Variants in SLC51A observed in about 807,000 individuals in gnomAD.
SLC51A encodes solute carrier family 51 member A.
A neutral mutation model predicts 34.8 loss-of-function variants in SLC51A; 22 were observed. That is an observed-to-expected ratio of 0.63 (90% CI 0.45 to 0.90). SLC51A has a LOEUF of 0.90. Ranked by LOEUF, SLC51A falls within the 40% of genes least tolerant of loss-of-function variation. The pLI is 0.00. For missense variants in SLC51A, 371 were observed against 414.8 expected, an observed-to-expected ratio of 0.89 and a Z score of 0.92; for synonymous variants, 181 against 176.3, an observed-to-expected ratio of 1.03 and a Z score of -0.21.
rs1273399778 is a variant in SLC51A, at chr3:196,227,106, G to A, written c.275G>A (p.Ser92Asn). Residue 92 changes from serine (S) to asparagine (N), a missense_variant, in exon 3 of 9, where the codon AGC becomes AAC. Transcript: ENST00000296327. ...PIKRRTLLWK[S>N]SAPTVVSVLC... is the part of the protein sequence containing the mutation. ...AAGAGGCGGACTCTGCTCTGGAAGA[G>A]CTCGGCACCCACGGTGAGGCCCCCG... The A allele has an allele frequency of 6.2e-7, 1 of 1,613,806 alleles. No homozygotes were observed. The highest frequency in any genetic ancestry group is 8.5e-7 in the Non-Finnish European group (1 of 1,180,032).
intron 7 of SLC51A, among the ~76,000 whole-genome samples, chr3:196,231,713 T>G (rs985399875): frequency 2.6e-5 from 4 of 152,142 alleles, no homozygotes; most frequent in African/African-American, 4.8e-5. Flanking sequence ...GGAGCCTGGG[T>G]GAGCCACGCC....
intron 2 of SLC51A, among the ~76,000 whole-genome samples, chr3:196,223,064 T>C (rs986968231): frequency 2.0e-5 from 3 of 151,740 alleles, no homozygotes; most frequent in Admixed American, 6.6e-5. Flanking sequence ...ATCTCTCCCA[T>C]ATCCACGAGT....
At chr3:196,229,116 C>T (rs558143576) in intron 6 of SLC51A, among the ~76,000 whole-genome samples, 196 bp downstream of exon 6, 4 of 152,108 alleles carry the variant, frequency 2.6e-5, no homozygotes, top group Non-Finnish European at 5.9e-5. Flanking sequence ...CCGTTCCTGC[C>T]GTGGGAGAGG....
intron 2 of SLC51A, among the ~76,000 whole-genome samples, chr3:196,220,048 T>C (rs1015600731): frequency 6.6e-6 from 1 of 151,962 alleles, no homozygotes; most frequent in Non-Finnish European, 1.5e-5. Flanking sequence ...CGAGGATGAG[T>C]TCGGGGACGC....
At chr3:196,225,469 G>A (rs1439120182) in intron 2 of SLC51A, among the ~76,000 whole-genome samples, 1 of 152,164 alleles carries the variant, frequency 6.6e-6, no homozygotes, top group Non-Finnish European at 1.5e-5. Flanking sequence ...ACACAGAGCA[G>A]ACTAGCTAAT....
In SLC51A at chr3:196,227,037, T is replaced by C. The variant is rs745535414; in HGVS notation, c.206T>C (p.Leu69Pro). 2 of 1,614,162 alleles carry C rather than the reference T, an allele frequency of 1.2e-6. No individual in the cohort carries two copies. ...GCGCTGGGCTCCATTGCCATCTTCC[T>C]GGAGGATGCCGTCTACCTGTACAAG... ...LLALGSIAIFLEDAVYLYKNT... is the reference protein window; with the variant it reads ...LLALGSIAIFPEDAVYLYKNT... Residue 69 changes from leucine (L) to proline (P), a missense_variant, in exon 3 of 9, where the codon CTG (leucine) becomes CCG (proline). Transcript: ENST00000296327.
Position 196,229,985 on chromosome 3 carries a change from C to A in SLC51A, c.704C>A (p.Thr235Asn). The A allele has an allele frequency of 1.9e-6, 3 of 1,613,922 alleles. No homozygotes were observed. Among genetic ancestry groups the A allele is most frequent in the Non-Finnish European group, 2.5e-6 (3 of 1,179,896 alleles). ...GTGTCCACACTGCTGGCTCTCTGGA[C>A]CCTGGGCATCATTTCCCGTCAAGCC... ...LGVSTLLALW[T>N]LGIISRQARL... is the part of the protein sequence containing the mutation. The change falls in exon 7 of 9, where the codon ACC becomes AAC. Residue 235 changes from threonine (T) to asparagine (N), a missense_variant. Transcript: ENST00000296327.
intron 2 of SLC51A, among the ~76,000 whole-genome samples, 169 bp from the exon 3 acceptor site, chr3:196,226,796 G>GA (rs1193539822): frequency 3.3e-4 from 37 of 111,768 alleles, no homozygotes; most frequent in Non-Finnish European, 5.6e-4. Context: ...AAAAGAAAAA[G>GA]AAAAAAAAAA....
chr3:196,223,071 G>A lies in SLC51A; in HGVS notation c.134-3894G>A, dbSNP rs944462291. ...CTTTGATGATCTCTCCCATATCCAC[G>A]AGTACACACACCTGGAGTCACTGTG... On this transcript the variant is annotated intron_variant, in intron 2 of 8. Coordinates refer to ENST00000296327, the MANE Select transcript of SLC51A (RefSeq NM_152672.6). 6.6e-5 allele frequency among the ~76,000 whole-genome samples: 10 copies of A among 151,660 alleles called. 1 individual carries two copies. Among genetic ancestry groups the A allele is most frequent in the African/African-American group, 1.9e-4 (8 of 41,344 alleles).
chr3:196,227,465 C>T, intron 3 of SLC51A, 199 bp from the exon 4 acceptor site: 1 of 614,446 alleles, frequency 1.6e-6, no homozygotes, highest in East Asian at 2.8e-5. Context: ...TCAGCTCCAC[C>T]CTTACGCTGA....
At chr3:196,231,335 T>C (rs1163234945) in intron 7 of SLC51A, among the ~76,000 whole-genome samples, 1 of 152,220 alleles carries the variant, frequency 6.6e-6, no homozygotes, top group Non-Finnish European at 1.5e-5. Context: ...ACCTTCTACG[T>C]GCTGCCTTCT....
intron 2 of SLC51A, among the ~76,000 whole-genome samples, chr3:196,218,145 G>A (rs1723644651): frequency 6.6e-6 from 1 of 152,244 alleles, no homozygotes; most frequent in African/African-American, 2.4e-5. Context: ...CCTGGCTCCG[G>A]AGAGCAACCG....
At chr3:196,230,185 A>G in intron 7 of SLC51A, 124 bp downstream of exon 7, 1 of 946,864 alleles carries the variant, frequency 1.1e-6, no homozygotes, top group Non-Finnish European at 1.5e-6. Flanking sequence ...CACGTCTCTC[A>G]TGAGATTTGG....
At chr3:196,231,964 A>G (rs986367108) in intron 7 of SLC51A, among the ~76,000 whole-genome samples, 11 of 152,198 alleles carry the variant, frequency 7.2e-5, no homozygotes, top group African/African-American at 2.7e-4. Context: ...CCCATTAAAC[A>G]CATTCCCCAT....
rs918983228 is a variant in SLC51A at position 196,216,775 on chromosome 3, G to A, written c.38+25G>A. 128 of 1,561,880 alleles carry A rather than the reference G, an allele frequency of 8.2e-5. No homozygotes were observed. Among genetic ancestry groups the A allele is most frequent in the Non-Finnish European group, 1.1e-4 (128 of 1,152,820 alleles). On this transcript the variant is annotated intron_variant, in intron 1 of 8. Transcript: ENST00000296327. The surrounding 1 kb of genome is among the most constrained non-coding windows in gnomAD (Gnocchi z 4.5). ...GGTAAGTGAGGGCGGCGGGCCCTGGGCCAGTCGCTGGGCAGCGGTGGCCCC... is the reference window on the plus strand; with the variant it reads ...GGTAAGTGAGGGCGGCGGGCCCTGGACCAGTCGCTGGGCAGCGGTGGCCCC...
intron 2 of SLC51A, among the ~76,000 whole-genome samples, chr3:196,218,728 C>T (rs1723660614): frequency 6.6e-6 from 1 of 152,128 alleles, no homozygotes; most frequent in Non-Finnish European, 1.5e-5. Flanking sequence ...CCATCTACTG[C>T]TTTGATTCCT....
intron 2 of SLC51A, among the ~76,000 whole-genome samples, chr3:196,222,625 C>A (rs941617941): frequency 7.0e-6 from 1 of 143,540 alleles, no homozygotes; most frequent in Non-Finnish European, 1.5e-5. Flanking sequence ...CAGAGTAAGG[C>A]TCCATCTCAA....
At chr3:196,223,939 A>T in intron 2 of SLC51A, 1 of 379,160 alleles carries the variant, frequency 2.6e-6, no homozygotes, top group Non-Finnish European at 5.0e-6. Context: ...AGCTCAATGC[A>T]ACCTCCACCT....
At chr3:196,229,459 C>A (rs1723977472) in intron 6 of SLC51A, among the ~76,000 whole-genome samples, 1 of 149,090 alleles carries the variant, frequency 6.7e-6, no homozygotes, top group Admixed American at 6.8e-5. Flanking sequence ...CTCACTGCAA[C>A]CTCCGCCTCC....
Sources: gnomAD v4.1 joint callset for allele counts (sites outside exome capture counted in the v4.1 genomes callset) on GRCh38, gnomAD v4.1.1 for gene constraint, Gnocchi (gnomAD v3.1) non-coding constraint, MANE v1.5 for transcripts, NCBI Gene and HGNC (gene_info 2026-07-23, HGNC 2026-07-21) for gene names.